PUS1: variants seen among roughly 807,000 people sequenced by gnomAD.
The protein encoded by PUS1 is pseudouridine synthase 1, also known as pseudouridylate synthase 1 homolog.
PUS1 carries 25 observed loss-of-function variants against 38.5 expected under a neutral mutation model. The ratio of observed to expected loss-of-function variants is 0.65; its 90% CI spans 0.47 to 0.91. The LOEUF is 0.91. Ranked by LOEUF, PUS1 falls within the 40% of genes least tolerant of loss-of-function variation. The pLI is 0.00. For synonymous variants in PUS1, 282 were observed against 260.4 expected (o/e 1.08, Z -0.80); for missense variants, 597 against 612.3 (o/e 0.97, Z 0.26).
intron 3 of PUS1, chr12:131,932,906 G>A (rs113696185): frequency 0.093 from 37,745 of 407,168 alleles, 2,109 homozygotes; most frequent in Non-Finnish European, 0.12. Flanking sequence ...AAGAAAAGAG[G>A]TTGAATTGAC....
chr12:131,939,790 G>T (rs981528671), intron 4 of PUS1, among the ~76,000 whole-genome samples: 1 of 152,112 alleles, frequency 6.6e-6, no homozygotes, highest in Non-Finnish European at 1.5e-5. Flanking sequence ...TGGGACTACA[G>T]GTGTGTGCCA....
rs1267737372 is a variant in PUS1, at chr12:131,941,162, C to T, written c.545-130C>T. The T allele has an allele frequency of 2.9e-5, 23 of 781,430 alleles. No homozygotes were observed. In the Admixed American group the frequency reaches 3.9e-4, roughly 13 times the overall value. 48.4% of individuals were successfully genotyped at this position (781,430 alleles called of 1,614,324 possible). ...GTGGCTGCCCCCTCCCCAGAGAAGC[C>T]GATGCTTGCTGGAGCTTGGTCGGTG... On this transcript the variant is annotated intron_variant, in intron 4 of 5. Transcript: ENST00000376649. The surrounding 1 kb of genome is among the most constrained non-coding windows in gnomAD (Gnocchi z 4.4).
intron 3 of PUS1, 35 bp from the exon 4 acceptor site, chr12:131,939,138 C>G: frequency 7.0e-7 from 1 of 1,425,072 alleles, no homozygotes; most frequent in South Asian, 1.2e-5. Context: ...GCCCAAGGGA[C>G]CCACCTTCCG....
rs199842522 is a variant in PUS1, at chr12:131,936,982, A to ACC, written c.442-2186_442-2185dup. Among the ~76,000 whole-genome samples, 4 of 151,912 alleles carry ACC rather than the reference A, an allele frequency of 2.6e-5. 1 individual carries two copies. The South Asian group carries it at 8.3e-4, about 32-fold the overall frequency. ...GGTACCAGGTGTCCCTCAGCTGTTG[A>ACC]CCCCCCAGGATGTCTCGAGTGTTCT... On this transcript the variant is annotated intron_variant, in intron 3 of 5. Transcript: ENST00000376649.
intron 3 of PUS1, among the ~76,000 whole-genome samples, chr12:131,937,444 A>G (rs1326073498): frequency 2.0e-5 from 3 of 152,140 alleles, no homozygotes; most frequent in Admixed American, 6.5e-5. Context: ...GCACGATCTC[A>G]ACTCACTGCA....
rs750488461 is a variant in PUS1 at position 131,943,626 on chromosome 12, C to T, written c.*40C>T. 2 of 1,562,224 alleles carry T rather than the reference C, an allele frequency of 1.3e-6. No homozygotes were observed. The highest frequency in any genetic ancestry group is 1.1e-5 in the South Asian group (1 of 90,022). On this transcript the variant is annotated 3_prime_UTR_variant, in exon 6 of 6. Transcript: ENST00000376649. The stretch of plus-strand genomic sequence containing the variant: ...CCCACCAGAGTGCCTCTGAGCAGCT[C>T]ACAGTGTGTGCCCAGATGTGCCACC...
chr12:131,944,674 T>G lies in PUS1; in HGVS notation c.*1088T>G, dbSNP rs1316868337. ...CCTAGACAGCCCCATGCGTGCAGCC[T>G]TTGCCCTGGTTGCAGGTCGGTACTC... On this transcript the variant is annotated 3_prime_UTR_variant, in exon 6 of 6. Transcript: ENST00000376649. 6.6e-6 allele frequency: 1 copy of G among 152,624 alleles called. No individual in the cohort carries two copies. Among genetic ancestry groups the G allele is most frequent in the Admixed American group, 6.5e-5 (1 of 15,276 alleles). 9.5% of individuals were successfully genotyped at this position (152,624 alleles called of 1,614,324 possible). A position where few individuals can be genotyped will look rare whatever the true frequency, so the allele number is the denominator to read the frequency against.
chr12:131,938,032 C>T (rs1890905768), intron 3 of PUS1, among the ~76,000 whole-genome samples: 1 of 152,096 alleles, frequency 6.6e-6, no homozygotes, highest in Non-Finnish European at 1.5e-5. Flanking sequence ...TTTTCTTTTT[C>T]TTTTCTTCAG....
chr12:131,938,511 A>T (rs1045916577), intron 3 of PUS1, among the ~76,000 whole-genome samples: 1 of 152,148 alleles, frequency 6.6e-6, no homozygotes, highest in African/African-American at 2.4e-5. Flanking sequence ...AACAAACAGT[A>T]AAGTGTGCGA....
At chr12:131,932,642 A>T (rs1303297669) in intron 3 of PUS1, 2 of 464,790 alleles carry the variant, frequency 4.3e-6, no homozygotes. Context: ...GCTCACTCTG[A>T]GGCAGATGTA....
intron 3 of PUS1, among the ~76,000 whole-genome samples, chr12:131,935,259 C>T (rs1450320155): frequency 2.0e-5 from 3 of 152,218 alleles, no homozygotes; most frequent in Non-Finnish European, 2.9e-5. Context: ...TAACTATTTT[C>T]ATTTTCTTTT....
rs1191782876 is a variant in PUS1 at position 131,941,578 on chromosome 12, G to A, written c.831G>A (p.Leu277=). The A allele has an allele frequency of 6.2e-7, 1 of 1,614,052 alleles. No individual in the cohort carries two copies. The highest frequency in any genetic ancestry group is 1.1e-5 in the South Asian group (1 of 91,082). ...AGGAACCCTTTGTGCGGGAGGGCCT[G>A]GAGTTTGCGGTGATCAGGGTGAAGG... ...YCEEPFVREG[L]EFAVIRVKGQ... is the part of the protein sequence containing the mutation. The change falls in exon 5 of 6, where the codon CTG becomes CTA. Residue 277 remains leucine (L), a synonymous_variant. Coordinates refer to ENST00000376649, the MANE Select transcript of PUS1 (RefSeq NM_025215.6). This position sits in a 1 kb window ranked among gnomAD's most constrained non-coding sequence, Gnocchi z 4.4.
intron 5 of PUS1, among the ~76,000 whole-genome samples, chr12:131,942,562 A>G (rs567472724): frequency 9.9e-5 from 15 of 152,018 alleles, no homozygotes; most frequent in Admixed American, 5.2e-4. Flanking sequence ...GCCCACCACC[A>G]CGCCCGGCTC....
intron 5 of PUS1, among the ~76,000 whole-genome samples, chr12:131,942,896 C>T (rs1051817978): frequency 2.6e-5 from 4 of 152,198 alleles, no homozygotes; most frequent in South Asian, 2.1e-4. Context: ...AGGCACCTGG[C>T]GAGCCGTCCT....
At chr12:131,939,538 C>CAGTT (rs1890979163) in intron 4 of PUS1, among the ~76,000 whole-genome samples, 1 of 152,232 alleles carries the variant, frequency 6.6e-6, no homozygotes, top group South Asian at 2.1e-4. Context: ...TTAAAATGAA[C>CAGTT]AGTTGTTCCC....
At position 131,929,773 on chromosome 12, in the gene PUS1, G is replaced by A. The variant is rs1202094982; in HGVS notation, c.51G>A (p.Leu17=). 1 of 1,591,878 alleles carries A rather than the reference G, an allele frequency of 6.3e-7. No homozygotes were observed. The highest frequency in any genetic ancestry group is 1.7e-5 in the Admixed American group (1 of 59,378). Residue 17 remains leucine (L), a synonymous_variant, in exon 1 of 6, where the codon CTG becomes CTA. Transcript: ENST00000376649. ...TGGGAGCCTTCGGACGGTGGACCCT[G>A]CGCCTGGGACCGCGTCCGTCCTGGT... ...ALLGAFGRWT[L]RLGPRPSCSP... is the part of the protein sequence containing the mutation.
Position 131,943,648 on chromosome 12 carries a change from C to T in PUS1, c.*62C>T. The T allele has an allele frequency of 2.2e-6, 3 of 1,368,030 alleles. No homozygotes were observed. The highest frequency in any genetic ancestry group is 3.1e-6 in the Non-Finnish European group (3 of 959,142). The allele number at this position is 1,368,030 out of a possible 1,614,324, so 84.7% of individuals were successfully genotyped here. On this transcript the variant is annotated 3_prime_UTR_variant, in exon 6 of 6. Transcript: ENST00000376649. ...GCTCACAGTGTGTGCCCAGATGTGC[C>T]ACCCCTGTGGGCAGCAAGAAGCTGG...
chr12:131,937,699 T>G (rs10794449), intron 3 of PUS1, among the ~76,000 whole-genome samples: 91,092 of 152,136 alleles, frequency 0.6, 30,667 homozygotes, highest in Non-Finnish European at 0.77. Flanking sequence ...GTTTTTGCTT[T>G]CTTTTTATTT....
In PUS1 at chr12:131,941,790, G is replaced by A; in HGVS notation, c.1043G>A (p.Gly348Asp). The A allele has an allele frequency of 6.2e-7, 1 of 1,613,296 alleles. No individual in the cohort carries two copies. The highest frequency in any genetic ancestry group is 8.5e-7 in the Non-Finnish European group (1 of 1,179,346). The change falls in exon 5 of 6, where the codon GGC becomes GAC. Residue 348 changes from glycine (G) to aspartate (D), a missense_variant. By Grantham distance (94) the Gly-to-Asp change is moderately conservative. Coordinates refer to ENST00000376649, the MANE Select transcript of PUS1 (RefSeq NM_025215.6). This position sits in a 1 kb window ranked among gnomAD's most constrained non-coding sequence, Gnocchi z 4.4. ...TTCGAGAAGTACAACCAGCGCTTTG[G>A]CAACGATGGGCTGCATGAGCCGCTG... is the stretch of plus-strand genomic sequence containing the variant. ...VHFEKYNQRFGNDGLHEPLDW... is the reference protein window; with the variant it reads ...VHFEKYNQRFDNDGLHEPLDW...
Sources: gnomAD v4.1 joint callset for allele counts (sites outside exome capture counted in the v4.1 genomes callset) on GRCh38, gnomAD v4.1.1 for gene constraint, Gnocchi (gnomAD v3.1) non-coding constraint, MANE v1.5 for transcripts, NCBI Gene and HGNC (gene_info 2026-07-23, HGNC 2026-07-21) for gene names.